CDC42: variants seen among roughly 807,000 people sequenced by gnomAD.
CDC42 encodes cell division control protein 42 homolog.
In CDC42, 1 loss-of-function variant was observed where a neutral mutation model predicts 20.8. That is an observed-to-expected ratio of 0.05 (90% CI 0.02 to 0.23). CDC42 has a LOEUF of 0.23. Ranked by LOEUF, CDC42 falls within the 10% of genes least tolerant of loss-of-function variation. The probability of loss-of-function intolerance (pLI) is 1.00; values close to 1 mark genes in which losing one functional copy is unlikely to be tolerated. For missense variants in CDC42, 49 were observed against 227.9 expected, an observed-to-expected ratio of 0.21 and a Z score of 5.05; for synonymous variants, 72 against 84.8, an observed-to-expected ratio of 0.85 and a Z score of 0.83.
chr1:22,077,322 T>C (rs1407605181), intron 1 of CDC42, among the ~76,000 whole-genome samples: 1 of 152,112 alleles, frequency 6.6e-6, no homozygotes, highest in African/African-American at 2.4e-5. Flanking sequence ...GTGCTAGAAG[T>C]ATAGTGGTGC....
intron 1 of CDC42, among the ~76,000 whole-genome samples, chr1:22,057,386 T>G (rs1297414396): frequency 6.6e-6 from 1 of 152,168 alleles, no homozygotes; most frequent in African/African-American, 2.4e-5. Flanking sequence ...CCAAAAACAT[T>G]TCTTTTTTCT....
chr1:22,061,528 C>CTTTTTTTTTTTTTT lies in CDC42; in HGVS notation c.-51+8789_-51+8790insTTTTTTTTTTTTTT, dbSNP rs1404317396. ...GGTCAATCAGTTTAACTTCATGTTTCTTTCTTTTTTTTTTTTTTTTTTTTT... is the reference window on the plus strand; with the variant it reads ...GGTCAATCAGTTTAACTTCATGTTTCTTTTTTTTTTTTTTTTTCTTTTTTTTTTTTTTTTTTTTT... On this transcript the variant is annotated intron_variant, in intron 1 of 5. Transcript: ENST00000656825. 1.9e-4 allele frequency among the ~76,000 whole-genome samples: 16 copies of CTTTTTTTTTTTTTT among 86,304 alleles called. 8 individuals are homozygous for CTTTTTTTTTTTTTT. Among genetic ancestry groups the CTTTTTTTTTTTTTT allele is most frequent in the Non-Finnish European group, 3.1e-4 (14 of 45,672 alleles). The allele number at this position is 86,304 out of a possible 152,430, so 56.6% of individuals were successfully genotyped here.
In CDC42 at chr1:22,094,359, G is replaced by A. The variant is rs16826582; in HGVS notation, c.*2842G>A. ...GTCGCCCAGGCTGGAGTGCAGTGGC[G>A]CGATCTCGGCTCACTGCAAGCTCCG... On this transcript the variant is annotated 3_prime_UTR_variant, in exon 6 of 6. Transcript: ENST00000656825. 0.15 allele frequency among the ~76,000 whole-genome samples: 16,971 copies of A among 113,452 alleles called. 1,857 individuals carry two copies. Among genetic ancestry groups the A allele is most frequent in the East Asian group, 0.51 (1,899 of 3,698 alleles). The allele number at this position is 113,452 out of a possible 152,430, so 74.4% of individuals were successfully genotyped here.
rs1041629294 is a variant in CDC42, at chr1:22,092,206, G to C, written c.*689G>C. Reference sequence around the variant, plus strand: ...AGATCCAGTATTTGATGAAACTCATGAAAGTGGGTGGAGCCCATCTTGCCC... The same window carrying C: ...AGATCCAGTATTTGATGAAACTCATCAAAGTGGGTGGAGCCCATCTTGCCC... On this transcript the variant is annotated 3_prime_UTR_variant, in exon 6 of 6. Coordinates refer to ENST00000656825, the MANE Select transcript of CDC42 (RefSeq NM_001791.4). 1.3e-4 allele frequency: 20 copies of C among 152,532 alleles called. No homozygotes were observed. The highest frequency in any genetic ancestry group is 4.8e-4 in the African/African-American group (20 of 41,410). The allele number at this position is 152,532 out of a possible 1,614,324, so 9.4% of individuals were successfully genotyped here.
rs866058994 is a variant in CDC42 at position 22,093,281 on chromosome 1, T to C, written c.*1764T>C. Among the ~76,000 whole-genome samples, 4 of 152,268 alleles carry C rather than the reference T, an allele frequency of 2.6e-5. No individual in the cohort carries two copies. Among genetic ancestry groups the C allele is most frequent in the African/African-American group, 7.2e-5 (3 of 41,554 alleles). On this transcript the variant is annotated 3_prime_UTR_variant, in exon 6 of 6. Coordinates refer to ENST00000656825, the MANE Select transcript of CDC42 (RefSeq NM_001791.4). ...TAGATCATTGAAAAGCAGCTCATTT[T>C]CCCCCAAGTTTTCTGCATCAGTGGT...
In CDC42 at chr1:22,098,888, A is replaced by G. The variant is rs1645773306; in HGVS notation, c.*7371A>G. Among the ~76,000 whole-genome samples, 1 of 152,122 alleles carries G rather than the reference A, an allele frequency of 6.6e-6. No individual in the cohort carries two copies. The highest frequency in any genetic ancestry group is 1.5e-5 in the Non-Finnish European group (1 of 68,002). On this transcript the variant is annotated 3_prime_UTR_variant, in exon 6 of 6. Transcript: ENST00000656825. The stretch of plus-strand genomic sequence containing the variant: ...ATCCTCCCGCCTCAGCCTCCCGAGT[A>G]GAAGGTACTACAGGTGTGTGACACC...
chr1:22,081,374 A>T (rs1178330654), intron 2 of CDC42, among the ~76,000 whole-genome samples: 1 of 152,212 alleles, frequency 6.6e-6, no homozygotes, highest in East Asian at 1.9e-4. Context: ...TTTCTTAGGA[A>T]TCAGATTGAA....
At chr1:22,073,493 C>A (rs903307674) in intron 1 of CDC42, among the ~76,000 whole-genome samples, 1 of 150,918 alleles carries the variant, frequency 6.6e-6, no homozygotes, top group East Asian at 1.9e-4. Context: ...GAGCCGAGAT[C>A]ACGCCATTGC....
chr1:22,086,946 C>T, intron 5 of CDC42, 80 bp downstream of exon 5: 1 of 1,116,096 alleles, frequency 9.0e-7, no homozygotes, highest in South Asian at 1.3e-5. Context: ...TTATTTCTAA[C>T]AGTGATCAGC....
intron 3 of CDC42, among the ~76,000 whole-genome samples, chr1:22,082,665 G>T (rs1645620231): frequency 6.6e-6 from 1 of 152,162 alleles, no homozygotes; most frequent in Non-Finnish European, 1.5e-5. Context: ...ATGGAATGTG[G>T]TGTTACACTG....
rs1316306429 is a variant in CDC42, at chr1:22,091,670, C to T, written c.*153C>T. 36 of 455,578 alleles carry T rather than the reference C, an allele frequency of 7.9e-5. No homozygotes were observed. In the East Asian group the frequency reaches 1.2e-3, roughly 16 times the overall value. 28.2% of individuals were successfully genotyped at this position (455,578 alleles called of 1,614,324 possible). On this transcript the variant is annotated 3_prime_UTR_variant, in exon 6 of 6. Coordinates refer to ENST00000656825, the MANE Select transcript of CDC42 (RefSeq NM_001791.4). ...ACATGCACTCGTGTGAGACAAGGCC[C>T]ATAGGTATGGCCCCCCCCTTCCCCC...
At chr1:22,061,177 C>T (rs1277298475) in intron 1 of CDC42, among the ~76,000 whole-genome samples, 2 of 152,090 alleles carry the variant, frequency 1.3e-5, no homozygotes, top group East Asian at 1.9e-4. Flanking sequence ...GAGGCCATGG[C>T]GGGCGGATCA....
intron 1 of CDC42, among the ~76,000 whole-genome samples, chr1:22,065,194 TG>T (rs1213358260): frequency 6.6e-6 from 1 of 152,230 alleles, no homozygotes; most frequent in African/African-American, 2.4e-5. Flanking sequence ...TGAAAGCATA[TG>T]CCCTTTACTG....
rs1275687692 is a variant in CDC42 at position 22,053,684 on chromosome 1, C to CTT, written c.-51+943_-51+944dup. The stretch of plus-strand genomic sequence containing the variant: ...AGACTTAACTCCTACAAGTCAGGGA[C>CTT]TTAAATTCAAACAGCATTTTGCAGC... On this transcript the variant is annotated intron_variant, in intron 1 of 5. Transcript: ENST00000656825. Among the ~76,000 whole-genome samples, 3 of 152,298 alleles carry CTT rather than the reference C, an allele frequency of 2.0e-5. No individual in the cohort carries two copies. In the East Asian group the frequency reaches 5.8e-4, roughly 29 times the overall value.
rs376212105 is a variant in CDC42, at chr1:22,062,717, C to T, written c.-51+9975C>T. On this transcript the variant is annotated intron_variant, in intron 1 of 5. Coordinates refer to ENST00000656825, the MANE Select transcript of CDC42 (RefSeq NM_001791.4). ...TGGTAGCCTGGTCAACATAGTGAGA[C>T]CGTGGCTCTATTTAAAAAAAAAAAA... Among the ~76,000 whole-genome samples the T allele has an allele frequency of 1.1e-4, 12 of 109,772 alleles. No individual in the cohort carries two copies. In the South Asian group the frequency reaches 3.9e-3, roughly 36 times the overall value. The allele number at this position is 109,772 out of a possible 152,430, so 72.0% of individuals were successfully genotyped here. A position where few individuals can be genotyped will look rare whatever the true frequency, so the allele number is the denominator to read the frequency against.
intron 3 of CDC42, among the ~76,000 whole-genome samples, chr1:22,082,310 T>C (rs1645615846): frequency 6.6e-6 from 1 of 152,222 alleles, no homozygotes; most frequent in East Asian, 1.9e-4. Context: ...TCTAATAACA[T>C]GTTTAGTTTC....
chr1:22,055,657 T>G (rs1436727782), intron 1 of CDC42, among the ~76,000 whole-genome samples: 2 of 151,786 alleles, frequency 1.3e-5, no homozygotes, highest in African/African-American at 4.8e-5. Flanking sequence ...CCCGGCTAAT[T>G]TTGGTATCTT....
intron 1 of CDC42, among the ~76,000 whole-genome samples, chr1:22,062,156 A>G (rs999492441): frequency 1.3e-5 from 2 of 151,500 alleles, no homozygotes; most frequent in Non-Finnish European, 1.5e-5. Context: ...GGCTGGTCTC[A>G]AACTCCTGGC....
In CDC42 at chr1:22,091,472, G is replaced by C; in HGVS notation, c.531G>C (p.Leu177=). The change falls in exon 6 of 6, where the codon CTG becomes CTC. Residue 177 remains leucine, a synonymous_variant. Transcript: ENST00000656825. ...NVFDEAILAA[L]EPPEPKKSRR... ...TTGACGAAGCAATATTGGCTGCCCT[G>C]GAGCCTCCAGAACCGAAGAAGAGCC... is the stretch of plus-strand genomic sequence containing the variant. The C allele has an allele frequency of 6.2e-7, 1 of 1,613,470 alleles. No homozygotes were observed. The highest frequency in any genetic ancestry group is 8.5e-7 in the Non-Finnish European group (1 of 1,179,562).
Sources: allele counts gnomAD v4.1 joint callset (sites outside exome capture counted in the v4.1 genomes callset), GRCh38; gene constraint gnomAD v4.1.1; transcripts MANE v1.5; gene names NCBI Gene and HGNC (gene_info 2026-07-23, HGNC 2026-07-21).